TOX3: variants seen among roughly 807,000 people sequenced by gnomAD.
TOX3 encodes TOX high mobility group box family member 3, also known as CAG trinucleotide repeat-containing gene F9 protein.
A neutral mutation model predicts 64.3 loss-of-function variants in TOX3; 22 were observed. That is an observed-to-expected ratio of 0.34 (90% CI 0.24 to 0.49). The LOEUF (loss-of-function observed/expected upper bound fraction) is 0.49. Ranked by LOEUF, TOX3 falls within the 20% of genes least tolerant of loss-of-function variation. The pLI is 0.99. For synonymous variants in TOX3, 291 were observed against 273.6 expected, an observed-to-expected ratio of 1.06 and a Z score of -0.63; for missense variants, 661 against 714.4, an observed-to-expected ratio of 0.93 and a Z score of 0.85.
At chr16:52,449,403 A>G (rs1960266151) in intron 4 of TOX3, among the ~76,000 whole-genome samples, 1 of 152,092 alleles carries the variant, frequency 6.6e-6, no homozygotes, top group African/African-American at 2.4e-5. Context: ...CTGCCTCACA[A>G]ACTTTTATTC....
rs780796132 is a variant in TOX3 at position 52,464,012 on chromosome 16, G to C, written c.330C>G (p.Ser110Arg). The C allele has an allele frequency of 6.3e-7, 1 of 1,599,756 alleles. No homozygotes were observed. Among genetic ancestry groups the C allele is most frequent in the South Asian group, 1.1e-5 (1 of 88,244 alleles). ...SEFTPQFPPQ[S>R]LDLPSITISR... is the part of the protein sequence containing the mutation. ...AGATTGTAATGGAAGGGAGGTCCAG[G>C]CTTTGAGGGGGAAACTGGGGTGTGA... Residue 110 changes from serine to arginine, a missense_variant, in exon 3 of 7, where the codon AGC (serine) becomes AGG (arginine). By Grantham distance (110) the Ser-to-Arg change is moderately radical (BLOSUM62 -1). Transcript: ENST00000219746.
Position 52,538,637 on chromosome 16 carries a change from G to GAGTAAA in TOX3, c.87+7999_87+8000insTTTACT, listed in dbSNP as rs1491295442. ...GAATGAGTATATATCATTCAAATAT[G>GAGTAAA]AATTTAGAGTAAAAACTCAAATGTG... On this transcript the variant is annotated intron_variant, in intron 1 of 6. Coordinates refer to ENST00000219746, the MANE Select transcript of TOX3 (RefSeq NM_001080430.4). Among the ~76,000 whole-genome samples the GAGTAAA allele has an allele frequency of 4.6e-5, 7 of 152,196 alleles. No homozygotes were observed. The East Asian group carries it at 1.4e-3, about 29-fold the overall frequency.
intron 1 of TOX3, among the ~76,000 whole-genome samples, chr16:52,479,899 C>G (rs1961319204): frequency 6.6e-6 from 1 of 152,186 alleles, no homozygotes; most frequent in African/African-American, 2.4e-5. Context: ...CAGTGGGTAT[C>G]ATCTTCAAGG....
rs536735789 is a variant in TOX3 at position 52,534,090 on chromosome 16, T to G, written c.87+12547A>C. ...GTTTGACTGGGACTGCAAAAGAGTA[T>G]GAAAGACTTGGAATATCCATTGTGG... On this transcript the variant is annotated intron_variant, in intron 1 of 6. Coordinates refer to ENST00000219746, the MANE Select transcript of TOX3 (RefSeq NM_001080430.4). Among the ~76,000 whole-genome samples, 5 of 152,210 alleles carry G rather than the reference T, an allele frequency of 3.3e-5. No homozygotes were observed. In the South Asian group the frequency reaches 8.3e-4, roughly 25 times the overall value.
rs184743543 is a variant in TOX3 at position 52,463,148 on chromosome 16, A to T, written c.408+786T>A. Among the ~76,000 whole-genome samples, 1,229 of 151,860 alleles carry T rather than the reference A, an allele frequency of 8.1e-3. 16 individuals carry two copies. The highest frequency in any genetic ancestry group is 0.025 in the African/African-American group (1,053 of 41,476). On this transcript the variant is annotated intron_variant, in intron 3 of 6. Transcript: ENST00000219746. ...CTGTTTCATTTTATCAGGGTTTTTT[A>T]AAAAAAAGCTCTATAAACTATTAAT...
intron 1 of TOX3, among the ~76,000 whole-genome samples, chr16:52,516,281 A>G (rs1962452432): frequency 6.6e-6 from 1 of 152,228 alleles, no homozygotes; most frequent in South Asian, 2.1e-4. Flanking sequence ...ATTGTCCTAT[A>G]GATCTAACAA....
At chr16:52,496,055 A>G (rs1961841800) in intron 1 of TOX3, among the ~76,000 whole-genome samples, 1 of 152,210 alleles carries the variant, frequency 6.6e-6, no homozygotes, top group Admixed American at 6.5e-5. Context: ...TTTCCTAACT[A>G]AAGACTTAAA....
At chr16:52,530,465 T>TAG (rs1334543794) in intron 1 of TOX3, among the ~76,000 whole-genome samples, 1 of 151,842 alleles carries the variant, frequency 6.6e-6, no homozygotes, top group East Asian at 1.9e-4. Flanking sequence ...ATCTCCCGAG[T>TAG]AGCTGGGATT....
At chr16:52,511,910 G>A (rs1962322158) in intron 1 of TOX3, among the ~76,000 whole-genome samples, 1 of 152,162 alleles carries the variant, frequency 6.6e-6, no homozygotes, top group South Asian at 2.1e-4. Context: ...TATGGGAAAT[G>A]CCTAAATGGA....
rs45443407 is a variant in TOX3 at position 52,511,040 on chromosome 16, G to A, written c.87+35597C>T. 3.4e-3 allele frequency among the ~76,000 whole-genome samples: 522 copies of A among 152,236 alleles called. 4 individuals are homozygous for A. Among genetic ancestry groups the A allele is most frequent in the Middle Eastern group, 6.8e-3 (2 of 294 alleles). ...TCCCAGAAAACAACAGTGCTTTCAA[G>A]AATGCCTGGGGGTAATGCTAAGGGG... On this transcript the variant is annotated intron_variant, in intron 1 of 6. Coordinates refer to ENST00000219746, the MANE Select transcript of TOX3 (RefSeq NM_001080430.4).
At chr16:52,443,674 T>A (rs759992547) in intron 6 of TOX3, among the ~76,000 whole-genome samples, 6 of 152,224 alleles carry the variant, frequency 3.9e-5, no homozygotes, top group Non-Finnish European at 5.9e-5. Context: ...ATGTATTAGC[T>A]CATATTCCTT....
chr16:52,494,648 A>G (rs1961789587), intron 1 of TOX3, among the ~76,000 whole-genome samples: 1 of 152,196 alleles, frequency 6.6e-6, no homozygotes, highest in South Asian at 2.1e-4. Flanking sequence ...TCTCTCTAAC[A>G]AAAACTTCCA....
In TOX3 at chr16:52,489,446, C is replaced by G. The variant is rs114266067; in HGVS notation, c.88-20872G>C. Among the ~76,000 whole-genome samples the G allele has an allele frequency of 7.4e-3, 1,133 of 152,216 alleles. 14 individuals are homozygous for G. Among genetic ancestry groups the G allele is most frequent in the African/African-American group, 0.026 (1,072 of 41,530 alleles). Reference sequence around the variant, plus strand: ...TAATCTCCAAAGCCCATGGACATGTCCCCCGTAGTATCTAGGTCTCAAATG... The same window carrying G: ...TAATCTCCAAAGCCCATGGACATGTGCCCCGTAGTATCTAGGTCTCAAATG... On this transcript the variant is annotated intron_variant, in intron 1 of 6. Transcript: ENST00000219746.
chr16:52,471,575 T>A (rs911180926), intron 1 of TOX3, among the ~76,000 whole-genome samples: 3 of 152,184 alleles, frequency 2.0e-5, no homozygotes, highest in Non-Finnish European at 2.9e-5. Flanking sequence ...CTGACATCTC[T>A]CCCAGAACTA....
chr16:52,492,030 C>T (rs747282275), intron 1 of TOX3, among the ~76,000 whole-genome samples: 2 of 139,894 alleles, frequency 1.4e-5, no homozygotes, highest in South Asian at 2.1e-4. Flanking sequence ...CTTTACTAGG[C>T]CCCTTGACAC....
At chr16:52,442,878 G>GT (rs1960044623) in intron 6 of TOX3, among the ~76,000 whole-genome samples, 1 of 151,830 alleles carries the variant, frequency 6.6e-6, no homozygotes, top group Non-Finnish European at 1.5e-5. Flanking sequence ...TGGTGTCATT[G>GT]AATTCTACCT....
chr16:52,442,963 C>T (rs978683193), intron 6 of TOX3, among the ~76,000 whole-genome samples: 2 of 152,136 alleles, frequency 1.3e-5, no homozygotes, highest in African/African-American at 4.8e-5. Flanking sequence ...CAGTCACAGG[C>T]TTCATGAGCC....
At chr16:52,492,490 A>G (rs1214641360) in intron 1 of TOX3, among the ~76,000 whole-genome samples, 1 of 103,762 alleles carries the variant, frequency 9.6e-6, no homozygotes, top group Non-Finnish European at 1.9e-5. Context: ...TATATATAAT[A>G]TATGATATAT....
chr16:52,456,709 T>C (rs767728786), intron 3 of TOX3, among the ~76,000 whole-genome samples: 13 of 152,228 alleles, frequency 8.5e-5, no homozygotes, highest in Non-Finnish European at 1.9e-4. Context: ...TAATGTTATA[T>C]TAATAAGGAA....
Sources: gnomAD v4.1 joint callset for allele counts (sites outside exome capture counted in the v4.1 genomes callset) on GRCh38, gnomAD v4.1.1 for gene constraint, MANE v1.5 for transcripts, NCBI Gene and HGNC (gene_info 2026-07-23, HGNC 2026-07-21) for gene names.